SLC44A5: variants seen among roughly 807,000 people sequenced by gnomAD.
SLC44A5 encodes solute carrier family 44 member 5.
SLC44A5 carries 57 observed loss-of-function variants against 101.8 expected under a neutral mutation model. The ratio of observed to expected loss-of-function variants is 0.56; its 90% CI spans 0.45 to 0.70. The LOEUF (loss-of-function observed/expected upper bound fraction) is 0.70, where lower values mean the gene tolerates loss of function less well. SLC44A5 is among the 30% of genes least tolerant of loss of function. The probability of loss-of-function intolerance (pLI) is 0.00; values close to 1 mark genes in which losing one functional copy is unlikely to be tolerated. For missense variants in SLC44A5, 737 were observed against 853.1 expected, an observed-to-expected ratio of 0.86 and a Z score of 1.70; for synonymous variants, 281 against 290.9, an observed-to-expected ratio of 0.97 and a Z score of 0.35.
chr1:75,324,444 T>C (rs964963244), intron 4 of SLC44A5, among the ~76,000 whole-genome samples: 1 of 152,132 alleles, frequency 6.6e-6, no homozygotes, highest in Non-Finnish European at 1.5e-5. Context: ...CATAGAGAAA[T>C]GAAAATATAG....
At chr1:75,521,077 A>T (rs1196060313) in intron 2 of SLC44A5, among the ~76,000 whole-genome samples, 21 of 152,182 alleles carry the variant, frequency 1.4e-4, no homozygotes. Context: ...TCAAAATGGG[A>T]TGTACATACA....
the SLC44A5 span, among the ~76,000 whole-genome samples, chr1:75,663,018 T>G: frequency 6.6e-6 from 1 of 152,156 alleles, no homozygotes; most frequent in Admixed American, 6.5e-5. Flanking sequence ...TAATACATGA[T>G]TCAATACATA....
At chr1:75,245,223 CTCA>C (rs1294829543) in intron 7 of SLC44A5, among the ~76,000 whole-genome samples, 1 of 152,144 alleles carries the variant, frequency 6.6e-6, no homozygotes, top group Non-Finnish European at 1.5e-5. Flanking sequence ...TTCTTAGTCT[CTCA>C]TCCACACGTG....
At chr1:75,704,452 CAGCTCAAACAGACA>C in the SLC44A5 span, among the ~76,000 whole-genome samples, 3 of 152,138 alleles carry the variant, frequency 2.0e-5, no homozygotes, top group African/African-American at 4.8e-5. Context: ...ACCGATACCT[CAGCTCAAACAGACA>C]AAGATTCTTA....
the SLC44A5 span, among the ~76,000 whole-genome samples, chr1:75,679,974 TA>T: frequency 6.6e-6 from 1 of 152,062 alleles, no homozygotes; most frequent in East Asian, 1.9e-4. Context: ...TAGTCTCTGA[TA>T]AAAAAGACTT....
At chr1:75,319,877 C>T (rs896133053) in intron 4 of SLC44A5, among the ~76,000 whole-genome samples, 5 of 152,058 alleles carry the variant, frequency 3.3e-5, no homozygotes, top group African/African-American at 9.7e-5. Context: ...GATAAAATAC[C>T]TAACTGTTGA....
At chr1:75,707,291 C>G in the SLC44A5 span, among the ~76,000 whole-genome samples, 25 of 152,266 alleles carry the variant, frequency 1.6e-4, no homozygotes, top group African/African-American at 5.8e-4. Flanking sequence ...AGAGCAGTCT[C>G]AAGAAGCTGG....
At chr1:75,277,848 G>A (rs1700889) in intron 5 of SLC44A5, among the ~76,000 whole-genome samples, 1 of 152,110 alleles carries the variant, frequency 6.6e-6, no homozygotes, top group South Asian at 2.1e-4. Context: ...TCTCCACACA[G>A]CCTCTGGCAC....
intron 1 of SLC44A5, among the ~76,000 whole-genome samples, chr1:75,589,965 A>G (rs1674252361): frequency 6.6e-6 from 1 of 152,098 alleles, no homozygotes; most frequent in Admixed American, 6.5e-5. Flanking sequence ...GTCTCTAAGT[A>G]AATGTGAAAG....
chr1:75,204,733 C>T (rs1055333137), intron 23 of SLC44A5: 5 of 152,302 alleles, frequency 3.3e-5, no homozygotes, highest in South Asian at 4.1e-4. Context: ...AGTGATCTGT[C>T]CATCTTGGAC....
At chr1:75,385,536 T>A (rs1224433410) in intron 3 of SLC44A5, among the ~76,000 whole-genome samples, 1 of 152,088 alleles carries the variant, frequency 6.6e-6, no homozygotes, top group African/African-American at 2.4e-5. Flanking sequence ...AATAGACCAA[T>A]AACAGGCTCT....
the SLC44A5 span, among the ~76,000 whole-genome samples, chr1:75,636,768 A>T: frequency 6.6e-6 from 1 of 152,140 alleles, no homozygotes; most frequent in Non-Finnish European, 1.5e-5. Context: ...GTTTATGAGT[A>T]GGAATGATCA....
At chr1:75,350,266 C>A (rs900083147) in intron 3 of SLC44A5, among the ~76,000 whole-genome samples, 1 of 151,432 alleles carries the variant, frequency 6.6e-6, no homozygotes, top group Non-Finnish European at 1.5e-5. Context: ...TGTCTGTCTA[C>A]CAGCCATCTA....
At chr1:75,503,439 C>CT (rs1424966989) in intron 2 of SLC44A5, among the ~76,000 whole-genome samples, 4 of 151,892 alleles carry the variant, frequency 2.6e-5, no homozygotes, top group Non-Finnish European at 2.9e-5. Flanking sequence ...CCTTTGCTCT[C>CT]TCTCTCCTGC....
At chr1:75,587,962 T>A (rs1674113638) in intron 1 of SLC44A5, among the ~76,000 whole-genome samples, 1 of 152,126 alleles carries the variant, frequency 6.6e-6, no homozygotes, top group South Asian at 2.1e-4. Flanking sequence ...CCATCAGGCA[T>A]ATGGCAGAAT....
chr1:75,477,569 A>G (rs1348088914), intron 2 of SLC44A5, among the ~76,000 whole-genome samples: 1 of 152,224 alleles, frequency 6.6e-6, no homozygotes, highest in African/African-American at 2.4e-5. Flanking sequence ...GAGCTGATGG[A>G]GCTGAAAACC....
rs937795201 is a variant in SLC44A5 at position 75,577,435 on chromosome 1, C to G, written c.-70+33605G>C. On this transcript the variant is annotated intron_variant, in intron 1 of 23. Transcript: ENST00000370859. ...CTGAAACAAACATGCGAAGCATGCT[C>G]CCGCCTCAGAGCCTTCGCACTTATT... Among the ~76,000 whole-genome samples the G allele has an allele frequency of 1.7e-4, 26 of 152,212 alleles. 1 individual carries two copies. Among genetic ancestry groups the G allele is most frequent in the Admixed American group, 1.7e-3 (26 of 15,276 alleles).
chr1:75,392,964 A>T (rs539358284), intron 3 of SLC44A5, among the ~76,000 whole-genome samples: 71 of 152,258 alleles, frequency 4.7e-4, no homozygotes, highest in African/African-American at 1.7e-3. Context: ...GTACATACAG[A>T]CATAAACATG....
chr1:75,616,487 G>A, the SLC44A5 span, among the ~76,000 whole-genome samples: 2 of 152,340 alleles, frequency 1.3e-5, no homozygotes, highest in African/African-American at 4.8e-5. Context: ...AGGCCAGGAC[G>A]CGCTGGGCCC....
Sources: gnomAD v4.1 joint callset for allele counts (sites outside exome capture counted in the v4.1 genomes callset) on GRCh38, gnomAD v4.1.1 for gene constraint, MANE v1.5 for transcripts, NCBI Gene and HGNC (gene_info 2026-07-23, HGNC 2026-07-21) for gene names.